Variants in ANO2 observed in about 807,000 individuals in gnomAD.
The protein encoded by ANO2 is anoctamin-2.
ANO2 carries 101 observed loss-of-function variants against 124.2 expected under a neutral mutation model. The observed-to-expected ratio is 0.81, with a 90% confidence interval of 0.69 to 0.96. The LOEUF is 0.96. Among genes scored for constraint, ANO2 ranks in the 40% least tolerant of loss-of-function variants. The probability of loss-of-function intolerance (pLI) is 0.00; values close to 1 mark genes in which losing one functional copy is unlikely to be tolerated. For synonymous variants in ANO2, 486 were observed against 482.5 expected (o/e 1.01, Z -0.09); for missense variants, 1,293 against 1,274.5 (o/e 1.01, Z -0.22).
At chr12:5,727,706 C>G (rs533108240) in intron 14 of ANO2, among the ~76,000 whole-genome samples, 1 of 146,620 alleles carries the variant, frequency 6.8e-6, no homozygotes, top group South Asian at 2.2e-4. Flanking sequence ...GGCGCAGTCT[C>G]GGCTCACTGC....
chr12:5,599,392 C>A, intron 20 of ANO2, 92 bp downstream of exon 20: 12 of 1,427,264 alleles, frequency 8.4e-6, no homozygotes, highest in Non-Finnish European at 1.0e-5. Context: ...CTGTCCCAGT[C>A]ATTTTCCCCA....
At chr12:5,857,463 T>C (rs1955132461) in intron 3 of ANO2, among the ~76,000 whole-genome samples, 1 of 152,218 alleles carries the variant, frequency 6.6e-6, no homozygotes, top group African/African-American at 2.4e-5. Context: ...CTTTCCATAA[T>C]GGCTATACCA....
intron 1 of ANO2, among the ~76,000 whole-genome samples, chr12:5,934,992 G>A (rs1169769623): frequency 6.6e-6 from 1 of 152,182 alleles, no homozygotes; most frequent in Non-Finnish European, 1.5e-5. Flanking sequence ...TTTGGAACTG[G>A]GTGAGATGCT....
chr12:5,620,333 C>G (rs552140219), intron 16 of ANO2, among the ~76,000 whole-genome samples: 1 of 152,298 alleles, frequency 6.6e-6, no homozygotes, highest in African/African-American at 2.4e-5. Flanking sequence ...AAGAGACAGG[C>G]AGGGGTGAGA....
At chr12:5,813,722 G>T (rs1953508732) in intron 7 of ANO2, among the ~76,000 whole-genome samples, 1 of 152,088 alleles carries the variant, frequency 6.6e-6, no homozygotes, top group Admixed American at 6.5e-5. Context: ...CACACCCCTG[G>T]TACCTGCTCT....
intron 14 of ANO2, among the ~76,000 whole-genome samples, chr12:5,695,270 G>T (rs1371183298): frequency 6.6e-6 from 1 of 151,412 alleles, no homozygotes; most frequent in Non-Finnish European, 1.5e-5. Context: ...CAACATGCCA[G>T]ATCAGGCAGG....
chr12:5,580,240 AAATATGTACAATGTACATACAATGTAC>A (rs1243438332), intron 20 of ANO2, among the ~76,000 whole-genome samples: 1 of 152,216 alleles, frequency 6.6e-6, no homozygotes, highest in African/African-American at 2.4e-5. Context: ...ATTACATACA[AAATATGTACAATGTACATACAATGTAC>A]AATATGTACA....
At chr12:5,928,393 C>G (rs1350098791) in intron 1 of ANO2, among the ~76,000 whole-genome samples, 6 of 151,846 alleles carry the variant, frequency 4.0e-5, no homozygotes, top group Non-Finnish European at 7.4e-5. Flanking sequence ...CTGCACTAGT[C>G]TACTTTCCTT....
chr12:5,577,280 A>G (rs1463632020), intron 22 of ANO2, among the ~76,000 whole-genome samples: 4 of 152,226 alleles, frequency 2.6e-5, no homozygotes, highest in Non-Finnish European at 5.9e-5. Flanking sequence ...TTGCCTCCCA[A>G]GGGAAAAGGG....
intron 14 of ANO2, among the ~76,000 whole-genome samples, chr12:5,696,517 AT>A (rs1446927221): frequency 1.5e-4 from 23 of 152,034 alleles, no homozygotes; most frequent in Non-Finnish European, 2.8e-4. Flanking sequence ...GTTGGCACAC[AT>A]TTTTTTTAAA....
intron 15 of ANO2, among the ~76,000 whole-genome samples, chr12:5,643,268 AT>A (rs1946472050): frequency 6.6e-6 from 1 of 152,230 alleles, no homozygotes; most frequent in East Asian, 1.9e-4. Flanking sequence ...AGAGGTATGC[AT>A]CCTTAAACAA....
chr12:5,778,886 C>T (rs1249739296), intron 10 of ANO2, among the ~76,000 whole-genome samples: 1 of 152,190 alleles, frequency 6.6e-6, no homozygotes, highest in Non-Finnish European at 1.5e-5. Context: ...TGTGAGGCAT[C>T]CCTCTCAGAA....
At chr12:5,922,899 A>C (rs1452416617) in intron 1 of ANO2, 95 bp from the exon 2 acceptor site, 1 of 1,278,378 alleles carries the variant, frequency 7.8e-7, no homozygotes, top group Non-Finnish European at 1.0e-6. Context: ...TAGCCCTGAG[A>C]AAATGGCCCA....
intron 10 of ANO2, among the ~76,000 whole-genome samples, chr12:5,778,318 G>C (rs1952288525): frequency 6.6e-6 from 1 of 152,238 alleles, no homozygotes; most frequent in African/African-American, 2.4e-5. Context: ...TGGAAAACTA[G>C]GATTCAAACT....
chr12:5,886,035 C>G (rs181632666), intron 3 of ANO2, among the ~76,000 whole-genome samples: 42 of 152,316 alleles, frequency 2.8e-4, no homozygotes, highest in Admixed American at 2.2e-3. Flanking sequence ...CGAATAGAGT[C>G]CTGGCCTGGG....
intron 1 of ANO2, among the ~76,000 whole-genome samples, chr12:5,942,744 T>C (rs1668773917): frequency 6.6e-6 from 1 of 152,274 alleles, no homozygotes; most frequent in South Asian, 2.1e-4. Context: ...ATGCAATCTC[T>C]GTTCAAATTC....
intron 23 of ANO2, 27 bp from the exon 24 acceptor site, chr12:5,565,690 G>T: frequency 6.5e-7 from 1 of 1,537,988 alleles, no homozygotes; most frequent in South Asian, 1.2e-5. Flanking sequence ...GTGGTGTTAA[G>T]ATCAGGAGCG....
chr12:5,669,570 A>G (rs1947890666), intron 14 of ANO2, among the ~76,000 whole-genome samples: 1 of 152,140 alleles, frequency 6.6e-6, no homozygotes, highest in Admixed American at 6.5e-5. Context: ...TTCCAATACT[A>G]TGTTGAATAG....
Position 5,740,105 on chromosome 12 carries a change from G to C in ANO2, c.1352-706C>G, listed in dbSNP as rs1028410006. 3.2e-5 allele frequency: 13 copies of C among 404,604 alleles called. 1 individual carries two copies. The highest frequency in any genetic ancestry group is 2.2e-4 in the South Asian group (12 of 53,974). 25.1% of individuals were successfully genotyped at this position (404,604 alleles called of 1,614,324 possible). On this transcript the variant is annotated intron_variant, in intron 12 of 24. Transcript: ENST00000682330. ...GCACGCCTTTCTCAGCATGCTCTAG[G>C]AAGAACCTGATACCCCCACGAGCAC... is the stretch of plus-strand genomic sequence containing the variant.
Sources: gnomAD v4.1 joint callset for allele counts (sites outside exome capture counted in the v4.1 genomes callset) on GRCh38, gnomAD v4.1.1 for gene constraint, MANE v1.5 for transcripts, NCBI Gene and HGNC (gene_info 2026-07-23, HGNC 2026-07-21) for gene names.